The following ZNF385D variants were observed in gnomAD, a reference collection of about 807,000 sequenced individuals.
The protein encoded by ZNF385D is zinc finger protein 659.
Under a neutral mutation model 35.8 loss-of-function variants are expected in ZNF385D, and 15 were observed. That is an observed-to-expected ratio of 0.42 (90% CI 0.28 to 0.64). ZNF385D has a LOEUF of 0.64. Ranked by LOEUF, ZNF385D falls within the 30% of genes least tolerant of loss-of-function variation. The pLI is 0.23. For missense variants in ZNF385D, 474 were observed against 494.6 expected (o/e 0.96, Z 0.39); for synonymous variants, 212 against 186.8 (o/e 1.13, Z -1.10).
At chr3:22,173,559 G>A (rs939560971) in intron 2 of ZNF385D, among the ~76,000 whole-genome samples, 3 of 152,136 alleles carry the variant, frequency 2.0e-5, no homozygotes, top group Non-Finnish European at 4.4e-5. Context: ...TTGAGAACTT[G>A]TGTGCTCTGG....
chr3:21,883,468 T>C (rs1183097295), intron 3 of ZNF385D, among the ~76,000 whole-genome samples: 1 of 151,984 alleles, frequency 6.6e-6, no homozygotes, highest in African/African-American at 2.4e-5. Flanking sequence ...TGCCTGATCA[T>C]GAGGGTTTAT....
chr3:21,947,809 C>T (rs1356756756), intron 3 of ZNF385D, among the ~76,000 whole-genome samples: 21 of 152,070 alleles, frequency 1.4e-4, no homozygotes, highest in Non-Finnish European at 2.9e-4. Flanking sequence ...TGGTGTTATG[C>T]TTAGAAAGAC....
chr3:22,287,296 G>A (rs1033458009), intron 2 of ZNF385D, among the ~76,000 whole-genome samples: 3 of 151,888 alleles, frequency 2.0e-5, no homozygotes, highest in Non-Finnish European at 2.9e-5. Context: ...TGAGCACATT[G>A]TTGAGTCTTG....
chr3:21,530,904 ATGT>A (rs1164016602), intron 3 of ZNF385D, among the ~76,000 whole-genome samples: 2 of 152,150 alleles, frequency 1.3e-5, no homozygotes, highest in Non-Finnish European at 2.9e-5. Context: ...CTTACATCAA[ATGT>A]TGTTACAATC....
intron 2 of ZNF385D, among the ~76,000 whole-genome samples, chr3:22,264,651 C>T (rs1225323622): frequency 1.3e-5 from 2 of 151,934 alleles, no homozygotes; most frequent in Non-Finnish European, 2.9e-5. Flanking sequence ...ATATGGGTCT[C>T]CCTACTGCAT....
chr3:22,089,335 G>C (rs1000591789), intron 3 of ZNF385D, among the ~76,000 whole-genome samples: 1 of 152,144 alleles, frequency 6.6e-6, no homozygotes, highest in Non-Finnish European at 1.5e-5. Context: ...TGACTCTCTA[G>C]TCCAAATATA....
intron 1 of ZNF385D, among the ~76,000 whole-genome samples, chr3:21,701,839 C>G (rs2067695024): frequency 6.6e-6 from 1 of 152,132 alleles, no homozygotes; most frequent in Non-Finnish European, 1.5e-5. Context: ...AAAATAATCT[C>G]CTTTGACTCC....
chr3:22,228,172 A>G (rs1025971318), intron 2 of ZNF385D, among the ~76,000 whole-genome samples: 5 of 152,208 alleles, frequency 3.3e-5, no homozygotes, highest in African/African-American at 1.2e-4. Flanking sequence ...ATGAGCAGAG[A>G]TGGTGAGAGA....
intron 1 of ZNF385D, among the ~76,000 whole-genome samples, chr3:21,671,146 G>A (rs1394308960): frequency 1.3e-5 from 2 of 151,998 alleles, no homozygotes; most frequent in Non-Finnish European, 2.9e-5. Flanking sequence ...TATTACACAT[G>A]TATTTGGCCA....
At chr3:21,854,508 G>C (rs929797488) in intron 3 of ZNF385D, among the ~76,000 whole-genome samples, 19 of 151,874 alleles carry the variant, frequency 1.3e-4, no homozygotes, top group Admixed American at 1.2e-3. Flanking sequence ...ATCTTCTGTA[G>C]ACATCTTAAA....
intron 2 of ZNF385D, among the ~76,000 whole-genome samples, chr3:22,238,815 C>A (rs1331805374): frequency 2.0e-5 from 3 of 150,830 alleles, no homozygotes; most frequent in Non-Finnish European, 4.4e-5. Flanking sequence ...TCACTGCAGC[C>A]TTGAACTCCT....
chr3:22,326,336 T>C (rs1694676794), intron 2 of ZNF385D, among the ~76,000 whole-genome samples: 1 of 152,158 alleles, frequency 6.6e-6, no homozygotes, highest in African/African-American at 2.4e-5. Flanking sequence ...CCTGAAAGAC[T>C]GGGGGCCCAA....
At position 22,262,439 on chromosome 3, in the gene ZNF385D, A is replaced by G. The variant is rs569389739; in HGVS notation, c.107-93404T>C. 4.6e-5 allele frequency among the ~76,000 whole-genome samples: 7 copies of G among 152,096 alleles called. No individual in the cohort carries two copies. In the South Asian group the frequency reaches 1.5e-3, roughly 32 times the overall value. On this transcript the variant is annotated intron_variant, in intron 2 of 5. Coordinates refer to the ZNF385D transcript ENST00000494108. ...CCAATCATTGAGATATTTTTTGCATAATTTCATCTTTTATTTTAAAAATAT... is the reference window on the plus strand; with the variant it reads ...CCAATCATTGAGATATTTTTTGCATGATTTCATCTTTTATTTTAAAAATAT...
chr3:21,501,164 T>A (rs1020279995), intron 4 of ZNF385D, among the ~76,000 whole-genome samples: 1 of 152,116 alleles, frequency 6.6e-6, no homozygotes, highest in African/African-American at 2.4e-5. Context: ...CCTGGCTGGT[T>A]TCCGTTCAAT....
At chr3:22,071,361 C>A (rs778666979) in intron 3 of ZNF385D, among the ~76,000 whole-genome samples, 5 of 151,966 alleles carry the variant, frequency 3.3e-5, no homozygotes, top group Non-Finnish European at 7.4e-5. Flanking sequence ...TAATATTTTT[C>A]CCAAAGCAAG....
intron 3 of ZNF385D, among the ~76,000 whole-genome samples, chr3:21,953,484 A>G (rs551318279): frequency 2.2e-4 from 33 of 152,210 alleles, no homozygotes; most frequent in African/African-American, 7.7e-4. Context: ...AAGATTAAAT[A>G]TTTACATCCA....
chr3:22,077,319 T>C (rs1464637765), intron 3 of ZNF385D, among the ~76,000 whole-genome samples: 1 of 151,982 alleles, frequency 6.6e-6, no homozygotes, highest in African/African-American at 2.4e-5. Flanking sequence ...TGCCTAGTTT[T>C]ACCACTGTCA....
At chr3:22,307,475 A>G (rs943813491) in intron 2 of ZNF385D, among the ~76,000 whole-genome samples, 2 of 152,156 alleles carry the variant, frequency 1.3e-5, no homozygotes, top group Admixed American at 6.6e-5. Context: ...AATTGAAGGC[A>G]TAAGAAAAAA....
At chr3:22,144,571 TCAAAA>T (rs1704726483) in intron 3 of ZNF385D, among the ~76,000 whole-genome samples, 1 of 49,566 alleles carries the variant, frequency 2.0e-5, no homozygotes, top group African/African-American at 9.9e-5. Flanking sequence ...AGACTCCATT[TCAAAA>T]AAAAAAAAAA....
Sources: allele counts gnomAD v4.1 joint callset (sites outside exome capture counted in the v4.1 genomes callset), GRCh38; gene constraint gnomAD v4.1.1; transcripts MANE v1.5; gene names NCBI Gene and HGNC (gene_info 2026-07-23, HGNC 2026-07-21).